ABCA8: variants seen among roughly 807,000 people sequenced by gnomAD.
ABCA8 encodes ABC-type organic anion transporter ABCA8.
Under a neutral mutation model 192.3 loss-of-function variants are expected in ABCA8, and 177 were observed. That is an observed-to-expected ratio of 0.92 (90% confidence interval 0.81 to 1.04). ABCA8 has a LOEUF of 1.04. Ranked by LOEUF, ABCA8 falls within the 50% of genes least tolerant of loss-of-function variation. ABCA8 has a pLI of 0.00. For missense variants in ABCA8, 1,915 were observed against 1,904.8 expected, an observed-to-expected ratio of 1.01 and a Z score of -0.10; for synonymous variants, 642 against 690.2, an observed-to-expected ratio of 0.93 and a Z score of 1.09.
intron 4 of ABCA8, 116 bp from the exon 5 acceptor site, chr17:68,937,231 A>G: frequency 1.1e-6 from 1 of 893,366 alleles, no homozygotes; most frequent in South Asian, 2.3e-5. Context: ...ATTATCAAGT[A>G]TTAACTTTTA....
At position 68,906,076 on chromosome 17, in the gene ABCA8, T is replaced by C; in HGVS notation, c.2366A>G (p.Lys789Arg). The part of the protein sequence containing the change: ...SMTTLNEVFL[K>R]LEGKSTINES... ...ATTAATTGTAGATTTTCCTTCTAGC[T>C]TCAGGAATACTTCATTCAAAGTTGT... Residue 789 changes from lysine (K) to arginine (R), a missense_variant, in exon 19 of 40, where the codon AAG becomes AGG. By Grantham distance (26) the Lys-to-Arg change is conservative. Coordinates refer to ENST00000586539, the MANE Select transcript of ABCA8 (RefSeq NM_001288985.2). 1 of 1,597,136 alleles carries C rather than the reference T, an allele frequency of 6.3e-7. No individual in the cohort carries two copies. Among genetic ancestry groups the C allele is most frequent in the Non-Finnish European group, 8.5e-7 (1 of 1,172,856 alleles).
intron 30 of ABCA8, 35 bp downstream of exon 30, chr17:68,882,564 C>A (rs764996011): frequency 1.3e-6 from 2 of 1,579,716 alleles, no homozygotes; most frequent in Non-Finnish European, 8.6e-7. Context: ...GACTGGTAGA[C>A]TGACTAATAA....
intron 27 of ABCA8, 101 bp from the exon 28 acceptor site, chr17:68,884,497 C>A: frequency 1.4e-6 from 2 of 1,407,050 alleles, no homozygotes; most frequent in South Asian, 1.8e-5. Context: ...TAACATTTGA[C>A]CATGAATATC....
In ABCA8 at chr17:68,940,757, C is replaced by T. The variant is rs1052004582; in HGVS notation, c.301+1G>A. 3 of 1,611,548 alleles carry T rather than the reference C, an allele frequency of 1.9e-6. No homozygotes were observed. The highest frequency in any genetic ancestry group is 1.7e-5 in the Admixed American group (1 of 59,944). The stretch of plus-strand genomic sequence containing the variant: ...TCTTCTTAAGTAACTAGAAAACTTA[C>T]CTGCCAGGAAGGGAGTAGAGGCTAC... On this transcript the variant is annotated splice_donor_variant, in intron 4 of 39. Transcript: ENST00000586539. LOFTEE classifies it high-confidence loss of function.
In ABCA8 at chr17:68,867,867, G is replaced by T; in HGVS notation, c.*218C>A. On this transcript the variant is annotated 3_prime_UTR_variant, in exon 40 of 40. Transcript: ENST00000586539. ...CAGAACAATGGAACCAGTATGGCCT[G>T]CAGAGATACAGAGGCTGTGAGAGGA... The T allele has an allele frequency of 2.0e-6, 1 of 493,356 alleles. No individual in the cohort carries two copies. Among genetic ancestry groups the T allele is most frequent in the Non-Finnish European group, 3.6e-6 (1 of 279,254 alleles). The allele number at this position is 493,356 out of a possible 1,614,324, so 30.6% of individuals were successfully genotyped here.
chr17:68,875,037 G>T lies in ABCA8; in HGVS notation c.4631+223C>A, dbSNP rs140038657. ...CGGTGAAAAGTCTCTGTAAGTTTTG[G>T]ATAGGATAACACAATACCAGGACAG... is the stretch of plus-strand genomic sequence containing the variant. On this transcript the variant is annotated intron_variant, in intron 37 of 39. Transcript: ENST00000586539. Among the ~76,000 whole-genome samples the T allele has an allele frequency of 3.0e-4, 45 of 152,242 alleles. No individual in the cohort carries two copies. The East Asian group carries it at 4.3e-3, about 14-fold the overall frequency.
At chr17:68,929,282 A>G in intron 8 of ABCA8, 48 bp from the exon 9 acceptor site, 1 of 1,406,824 alleles carries the variant, frequency 7.1e-7, no homozygotes, top group Non-Finnish European at 9.6e-7. Flanking sequence ...TAACATTATT[A>G]CTAGCATAAT....
chr17:68,908,411 T>C (rs2067145409), intron 17 of ABCA8, among the ~76,000 whole-genome samples: 1 of 152,190 alleles, frequency 6.6e-6, no homozygotes, highest in African/African-American at 2.4e-5. Flanking sequence ...AACATCATAC[T>C]TAGTGTTGAG....
chr17:68,951,026 T>A (rs1290664321), intron 1 of ABCA8, among the ~76,000 whole-genome samples: 8 of 152,248 alleles, frequency 5.3e-5, no homozygotes. Context: ...TACTGCGGAA[T>A]GAAACCAAGC....
chr17:68,901,209 A>G (rs1321237344), intron 21 of ABCA8, among the ~76,000 whole-genome samples: 2 of 152,236 alleles, frequency 1.3e-5, no homozygotes, highest in Non-Finnish European at 2.9e-5. Flanking sequence ...TTCAGTGAAT[A>G]GGCAAATTCT....
intron 1 of ABCA8, among the ~76,000 whole-genome samples, chr17:68,951,489 A>T (rs2068567544): frequency 6.6e-6 from 1 of 152,132 alleles, no homozygotes; most frequent in South Asian, 2.1e-4. Context: ...AATCTTTTTC[A>T]TTGTGTTCTT....
intron 1 of ABCA8, among the ~76,000 whole-genome samples, chr17:68,952,835 A>G (rs2068607710): frequency 6.6e-6 from 1 of 152,230 alleles, no homozygotes; most frequent in South Asian, 2.1e-4. Flanking sequence ...TGGTAGGAGT[A>G]GTAGCACATC....
intron 35 of ABCA8, among the ~76,000 whole-genome samples, chr17:68,876,100 C>G (rs1243302071): frequency 6.6e-6 from 1 of 152,132 alleles, no homozygotes; most frequent in Non-Finnish European, 1.5e-5. Flanking sequence ...GTACAGTAAA[C>G]ACGTACAATG....
intron 11 of ABCA8, among the ~76,000 whole-genome samples, chr17:68,923,112 C>G (rs530405364): frequency 1.3e-5 from 2 of 151,972 alleles, no homozygotes; most frequent in African/African-American, 4.8e-5. Flanking sequence ...TAGGCCAAAT[C>G]AAATTTATGT....
rs1220665474 is a variant in ABCA8, at chr17:68,902,584, T to C, written c.2764+129A>G. ...TTTGGGGGCCTGTATTTATTATCTT[T>C]AAGTTTCATAAATTGTTTTTTAACA... On this transcript the variant is annotated intron_variant, in intron 21 of 39. Transcript: ENST00000586539. 5.5e-6 allele frequency: 4 copies of C among 725,994 alleles called. No individual in the cohort carries two copies. In the Admixed American group the frequency reaches 1.4e-4, roughly 25 times the overall value. The allele number at this position is 725,994 out of a possible 1,614,324, so 45.0% of individuals were successfully genotyped here.
At position 68,915,661 on chromosome 17, in the gene ABCA8, T is replaced by C. The variant is rs191542152; in HGVS notation, c.2138+1700A>G. On this transcript the variant is annotated intron_variant, in intron 17 of 39. Coordinates refer to ENST00000586539, the MANE Select transcript of ABCA8 (RefSeq NM_001288985.2). The stretch of plus-strand genomic sequence containing the variant: ...CAAGGATGTGGAGAAAAGGGAATCA[T>C]CGTACTCTGTTGGTGGGAATGTAAA... 3.1e-4 allele frequency among the ~76,000 whole-genome samples: 47 copies of C among 152,284 alleles called. 2 individuals are homozygous for C. The East Asian group carries it at 7.9e-3, about 26-fold the overall frequency.
chr17:68,883,731 C>A, intron 29 of ABCA8, 60 bp downstream of exon 29: 2 of 1,105,376 alleles, frequency 1.8e-6, no homozygotes, highest in South Asian at 1.5e-5. Flanking sequence ...TTGATTTATG[C>A]ATGAAAAATA....
In ABCA8 at chr17:68,875,620, C is replaced by A; in HGVS notation, c.4484G>T (p.Arg1495Met). 6.2e-7 allele frequency: 1 copy of A among 1,613,986 alleles called. No homozygotes were observed. Among genetic ancestry groups the A allele is most frequent in the Non-Finnish European group, 8.5e-7 (1 of 1,179,942 alleles). Reference protein sequence around the residue: ...CDRVAIMVSGRLRCIGSIQHL... With the variant: ...CDRVAIMVSGMLRCIGSIQHL... ...GTCCAGGACAGGCACTCACCTCAACCTCCCAGATACCATGATGGCCACTCG... is the reference window on the plus strand; with the variant it reads ...GTCCAGGACAGGCACTCACCTCAACATCCCAGATACCATGATGGCCACTCG... The change falls in exon 36 of 40, where the codon AGG (arginine) becomes ATG (methionine). Residue 1495 changes from arginine to methionine, a missense_variant. Arg to Met is a moderately conservative substitution (Grantham distance 91). Transcript: ENST00000586539.
At chr17:68,926,798 T>G (rs1033521855) in intron 10 of ABCA8, among the ~76,000 whole-genome samples, 3 of 152,198 alleles carry the variant, frequency 2.0e-5, no homozygotes, top group Non-Finnish European at 4.4e-5. Context: ...ATGAATTTCC[T>G]GCCTCAAGAT....
Sources: gnomAD v4.1 joint callset for allele counts (sites outside exome capture counted in the v4.1 genomes callset) on GRCh38, gnomAD v4.1.1 for gene constraint, MANE v1.5 for transcripts, NCBI Gene and HGNC (gene_info 2026-07-23, HGNC 2026-07-21) for gene names.